The following KCNN2 variants were observed in gnomAD, a reference collection of about 807,000 sequenced individuals.
KCNN2 encodes small conductance calcium-activated potassium channel protein 2.
In KCNN2, 24 loss-of-function variants were observed where a neutral mutation model predicts 55.5. The observed-to-expected ratio is 0.43, with a 90% confidence interval of 0.31 to 0.61. The LOEUF (loss-of-function observed/expected upper bound fraction) is 0.61, where lower values mean the gene tolerates loss of function less well. KCNN2 is among the 20% of genes least tolerant of loss of function. KCNN2 has a pLI of 0.08. For missense variants in KCNN2, 754 were observed against 853.6 expected (o/e 0.88, Z 1.45); for synonymous variants, 431 against 336.1 (o/e 1.28, Z -3.09).
intron 2 of KCNN2, among the ~76,000 whole-genome samples, chr5:114,366,758 TA>T (rs1274713288): frequency 6.6e-6 from 1 of 152,212 alleles, no homozygotes; most frequent in African/African-American, 2.4e-5. Flanking sequence ...TGTTTTTTCA[TA>T]AAAAGTTTTA....
intron 1 of KCNN2, among the ~76,000 whole-genome samples, chr5:114,146,192 G>A (rs981484831): frequency 2.0e-5 from 3 of 151,920 alleles, no homozygotes; most frequent in Non-Finnish European, 2.9e-5. Flanking sequence ...AATGTTTTTC[G>A]GTGACAGTAA....
At chr5:114,188,028 G>A (rs1753375863) in intron 1 of KCNN2, among the ~76,000 whole-genome samples, 1 of 151,258 alleles carries the variant, frequency 6.6e-6, no homozygotes, top group African/African-American at 2.4e-5. Context: ...GGTCAGGCTG[G>A]TCTTGAACTC....
At chr5:114,482,599 C>A (rs1169881723) in intron 5 of KCNN2, among the ~76,000 whole-genome samples, 1 of 152,094 alleles carries the variant, frequency 6.6e-6, no homozygotes, top group Non-Finnish European at 1.5e-5. Flanking sequence ...CTGCACTATT[C>A]ACTATAGCAA....
At position 114,399,022 on chromosome 5, in the gene KCNN2, G is replaced by A. The variant is rs370827667; in HGVS notation, c.1219-5416G>A. ...GTTTGAATTCCTCTCTTCCTATTCG[G>A]ATTCATTTTATTTCTTTCTCTTACA... On this transcript the variant is annotated intron_variant, in intron 2 of 7. Transcript: ENST00000673685. Among the ~76,000 whole-genome samples, 10 of 152,032 alleles carry A rather than the reference G, an allele frequency of 6.6e-5. No homozygotes were observed. In the East Asian group the frequency reaches 7.7e-4, roughly 12 times the overall value.
intron 3 of KCNN2, among the ~76,000 whole-genome samples, chr5:114,450,178 T>C (rs1760611212): frequency 6.6e-6 from 1 of 152,202 alleles, no homozygotes; most frequent in Non-Finnish European, 1.5e-5. Flanking sequence ...CTTCTAAAAA[T>C]AGAGTCTGCC....
intron 1 of KCNN2, among the ~76,000 whole-genome samples, chr5:114,128,586 C>A (rs1751986796): frequency 6.6e-6 from 1 of 152,160 alleles, no homozygotes; most frequent in Admixed American, 6.5e-5. Flanking sequence ...TTCAACATAT[C>A]ATTTTCAAGA....
chr5:114,347,701 A>G (rs573939651), intron 2 of KCNN2, among the ~76,000 whole-genome samples: 91 of 152,356 alleles, frequency 6.0e-4, no homozygotes, highest in Middle Eastern at 3.4e-3. Flanking sequence ...AATATGTAAT[A>G]TATTTAAATA....
chr5:114,401,259 A>G (rs1400056199), intron 2 of KCNN2, among the ~76,000 whole-genome samples: 1 of 152,242 alleles, frequency 6.6e-6, no homozygotes, highest in African/African-American at 2.4e-5. Context: ...ACAACTATGT[A>G]ATAGAACATT....
chr5:114,352,958 C>T (rs1757236810), intron 2 of KCNN2, among the ~76,000 whole-genome samples: 1 of 151,862 alleles, frequency 6.6e-6, no homozygotes, highest in Admixed American at 6.6e-5. Flanking sequence ...CTCTGCATAG[C>T]TGTTCTAACC....
rs756739484 is a variant in KCNN2 at position 114,362,967 on chromosome 5, C to T, written c.828C>T (p.Pro276=). ...CCGCCGCTGTTTCGTCCTCAGCCCC[C>T]GAGATCGTGGTGTCTAAGCCCGAGC... The part of the protein sequence containing the change: ...AAAAAVSSSA[P]EIVVSKPEHN... The change falls in exon 1 of 8, where the codon CCC becomes CCT. Residue 276 remains proline (P), a synonymous_variant. Transcript: ENST00000673685. 11 of 1,589,232 alleles carry T rather than the reference C, an allele frequency of 6.9e-6. No homozygotes were observed.
intron 3 of KCNN2, among the ~76,000 whole-genome samples, chr5:114,413,518 C>T (rs562421747): frequency 1.3e-5 from 2 of 152,258 alleles, no homozygotes; most frequent in East Asian, 3.9e-4. Context: ...GAATTCTTGA[C>T]CTCAGGTGAT....
chr5:114,148,110 C>G (rs550649453), intron 1 of KCNN2, among the ~76,000 whole-genome samples: 1 of 152,288 alleles, frequency 6.6e-6, no homozygotes, highest in South Asian at 2.1e-4. Flanking sequence ...CCATTCATAT[C>G]TAGCTGTAGG....
intron 5 of KCNN2, among the ~76,000 whole-genome samples, chr5:114,481,918 AC>A (rs1762246053): frequency 6.6e-6 from 1 of 152,210 alleles, no homozygotes; most frequent in African/African-American, 2.4e-5. Flanking sequence ...AAAACCCAAA[AC>A]TATAAAAACC....
In KCNN2 at chr5:114,142,346, A is replaced by G. The variant is rs547778210; in HGVS notation, c.-270-79134A>G. Reference sequence around the variant, plus strand: ...AAGGGATCCAGTTTCAGCTTTCTACATATGGCTAGCCAGTTTTCCCAGCAC... The same window carrying G: ...AAGGGATCCAGTTTCAGCTTTCTACGTATGGCTAGCCAGTTTTCCCAGCAC... On this transcript the variant is annotated intron_variant, in intron 1 of 10. Coordinates refer to the KCNN2 transcript ENST00000512097. Among the ~76,000 whole-genome samples, 7 of 152,286 alleles carry G rather than the reference A, an allele frequency of 4.6e-5. No individual in the cohort carries two copies. The South Asian group carries it at 1.2e-3, about 27-fold the overall frequency.
At chr5:114,136,063 G>C (rs1333989872) in intron 1 of KCNN2, among the ~76,000 whole-genome samples, 1 of 152,130 alleles carries the variant, frequency 6.6e-6, no homozygotes. Context: ...CAGATTGAAA[G>C]GGCCAATTGA....
chr5:114,435,555 G>C (rs1050441548), intron 3 of KCNN2, among the ~76,000 whole-genome samples: 1 of 151,826 alleles, frequency 6.6e-6, no homozygotes, highest in African/African-American at 2.4e-5. Flanking sequence ...GAAAGCAGGA[G>C]AAAATCCTTT....
At chr5:114,247,723 C>G (rs1561539647) in intron 2 of KCNN2, among the ~76,000 whole-genome samples, 2 of 151,994 alleles carry the variant, frequency 1.3e-5, no homozygotes. Context: ...TTTAATGAAA[C>G]AAGAGTAAAT....
At chr5:114,382,760 G>A (rs13186627) in intron 2 of KCNN2, among the ~76,000 whole-genome samples, 17,639 of 152,218 alleles carry the variant, frequency 0.12, 1,226 homozygotes, top group South Asian at 0.2. Flanking sequence ...GATGGATGGC[G>A]TCTGCTCTCA....
At chr5:114,440,692 G>A (rs1255491688) in intron 3 of KCNN2, among the ~76,000 whole-genome samples, 2 of 148,898 alleles carry the variant, frequency 1.3e-5, no homozygotes, top group Non-Finnish European at 3.0e-5. Context: ...GGGGGTGGGG[G>A]GGGCTTTGAA....
Sources: allele counts gnomAD v4.1 joint callset (sites outside exome capture counted in the v4.1 genomes callset), GRCh38; gene constraint gnomAD v4.1.1; transcripts MANE v1.5; gene names NCBI Gene and HGNC (gene_info 2026-07-23, HGNC 2026-07-21).